GRHL2: variants seen among roughly 807,000 people sequenced by gnomAD.
GRHL2 encodes the protein grainyhead like transcription factor 2, also known as grainyhead-like protein 2 homolog.
GRHL2 carries 21 observed loss-of-function variants against 83.8 expected under a neutral mutation model. The ratio of observed to expected loss-of-function variants is 0.25; its 90% CI spans 0.18 to 0.36. The LOEUF is 0.36. Ranked by LOEUF, GRHL2 falls within the 10% of genes least tolerant of loss-of-function variation. The pLI, the probability that GRHL2 is intolerant of heterozygous loss-of-function variation, is 1.00. For missense variants in GRHL2, 623 were observed against 781.8 expected, an observed-to-expected ratio of 0.80 and a Z score of 2.42; for synonymous variants, 280 against 278.9, an observed-to-expected ratio of 1.00 and a Z score of -0.04.
chr8:101,582,640 C>T (rs982721859), intron 7 of GRHL2, among the ~76,000 whole-genome samples: 1 of 152,156 alleles, frequency 6.6e-6, no homozygotes, highest in Non-Finnish European at 1.5e-5. Flanking sequence ...CTTGACACCT[C>T]AGTCCTGGTG....
At chr8:101,674,437 C>G (rs986318229), downstream of GRHL2, among the ~76,000 whole-genome samples, 1 of 152,250 alleles carries the variant, frequency 6.6e-6, no homozygotes. Flanking sequence ...CACCTCTACG[C>G]AAATAAACTA....
At chr8:101,557,142 G>C (rs1811504226) in intron 3 of GRHL2, among the ~76,000 whole-genome samples, 1 of 147,128 alleles carries the variant, frequency 6.8e-6, no homozygotes, top group East Asian at 2.0e-4. Context: ...AACTAATTCT[G>C]ATTTGTGTGT....
At chr8:101,495,172 A>G (rs1485982590) in intron 1 of GRHL2, among the ~76,000 whole-genome samples, 1 of 152,216 alleles carries the variant, frequency 6.6e-6, no homozygotes, top group Non-Finnish European at 1.5e-5. Context: ...TTCCTTCCTG[A>G]GCAAGTGAGA....
chr8:101,656,994 C>T (rs927786039), intron 14 of GRHL2, among the ~76,000 whole-genome samples: 2 of 152,136 alleles, frequency 1.3e-5, no homozygotes, highest in Non-Finnish European at 2.9e-5. Context: ...GGGATGTTCT[C>T]TCTCAATGAA....
rs1331749726 is a variant in GRHL2, at chr8:101,667,973, T to C, written c.*1270T>C. The stretch of plus-strand genomic sequence containing the variant: ...TGGGGCTTCCTCCTGGGCCACCAGA[T>C]GGAAAGGGGGTATTGTTTGCCTCAC... On this transcript the variant is annotated 3_prime_UTR_variant, in exon 16 of 16. Coordinates refer to ENST00000646743, the MANE Select transcript of GRHL2 (RefSeq NM_024915.4). 1.3e-5 allele frequency: 2 copies of C among 152,580 alleles called. No individual in the cohort carries two copies. The highest frequency in any genetic ancestry group is 2.9e-5 in the Non-Finnish European group (2 of 68,100). 9.5% of individuals were successfully genotyped at this position (152,580 alleles called of 1,614,324 possible).
At chr8:101,632,414 T>C (rs1271490688) in intron 11 of GRHL2, 49 bp downstream of exon 11, 1 of 1,609,464 alleles carries the variant, frequency 6.2e-7, no homozygotes, top group Non-Finnish European at 8.5e-7. Context: ...ACAGGGCAAG[T>C]AGGGCTTTAA....
chr8:101,563,800 T>A (rs1811658114), intron 4 of GRHL2, among the ~76,000 whole-genome samples: 1 of 152,176 alleles, frequency 6.6e-6, no homozygotes, highest in African/African-American at 2.4e-5. Context: ...TGATTTGCTC[T>A]TAAGTAGTGA....
At chr8:101,517,875 T>C (rs752083899) in intron 1 of GRHL2, among the ~76,000 whole-genome samples, 1 of 152,192 alleles carries the variant, frequency 6.6e-6, no homozygotes, top group African/African-American at 2.4e-5. Flanking sequence ...TGAGTGAACC[T>C]GGGAGAGAGA....
intron 11 of GRHL2, 130 bp from the exon 12 acceptor site, chr8:101,636,767 T>A (rs764845838): frequency 7.4e-5 from 43 of 584,450 alleles, no homozygotes; most frequent in Admixed American, 2.0e-4. Context: ...ACACACACAC[T>A]GTTATTAAAC....
intron 14 of GRHL2, among the ~76,000 whole-genome samples, chr8:101,652,658 G>A (rs1025288914): frequency 8.0e-5 from 12 of 150,288 alleles, no homozygotes; most frequent in Non-Finnish European, 1.2e-4. Context: ...CTTAGGGGTC[G>A]GCATATGGGC....
intron 12 of GRHL2, among the ~76,000 whole-genome samples, chr8:101,637,326 C>T (rs148176671): frequency 1.6e-4 from 24 of 152,294 alleles, no homozygotes; most frequent in African/African-American, 5.5e-4. Flanking sequence ...AAGATGACAG[C>T]CTACCCTTCT....
At chr8:101,515,790 T>C (rs1810561513) in intron 1 of GRHL2, among the ~76,000 whole-genome samples, 1 of 152,180 alleles carries the variant, frequency 6.6e-6, no homozygotes, top group African/African-American at 2.4e-5. Flanking sequence ...CTGACTGGTG[T>C]TGGGGCCACT....
intron 1 of GRHL2, among the ~76,000 whole-genome samples, chr8:101,506,162 C>T (rs776168998): frequency 1.1e-4 from 16 of 152,210 alleles, no homozygotes; most frequent in Non-Finnish European, 1.9e-4. Flanking sequence ...TGCCTCCTAG[C>T]TTTCAATGCT....
At chr8:101,553,729 G>A (rs1403455252) in intron 3 of GRHL2, among the ~76,000 whole-genome samples, 14 of 149,112 alleles carry the variant, frequency 9.4e-5, no homozygotes, top group African/African-American at 3.0e-4. Context: ...CCAGGTTCAA[G>A]CTATTTTCCT....
intron 3 of GRHL2, among the ~76,000 whole-genome samples, chr8:101,555,847 C>A (rs963330669): frequency 1.3e-5 from 2 of 152,188 alleles, no homozygotes; most frequent in African/African-American, 2.4e-5. Context: ...GAAGTTTCAT[C>A]TGAAAAATCA....
At chr8:101,515,027 TTCCTTCCTTCCTTCCA>T (rs752025304) in intron 1 of GRHL2, among the ~76,000 whole-genome samples, 28 of 149,160 alleles carry the variant, frequency 1.9e-4, no homozygotes, top group Admixed American at 8.0e-4. Context: ...TTCATTTTCC[TTCCTTCCTTCCTTCCA>T]TCCTTCCTTC....
At chr8:101,520,710 C>A (rs1260283527) in intron 1 of GRHL2, among the ~76,000 whole-genome samples, 2 of 152,178 alleles carry the variant, frequency 1.3e-5, no homozygotes, top group African/African-American at 4.8e-5. Context: ...AAGTGAATTA[C>A]TAATCCTGGC....
chr8:101,589,712 G>A (rs933302428), intron 7 of GRHL2, among the ~76,000 whole-genome samples: 1 of 152,112 alleles, frequency 6.6e-6, no homozygotes, highest in African/African-American at 2.4e-5. Flanking sequence ...ATCTGTGAGG[G>A]TATTATACTA....
chr8:101,552,077 C>T (rs1358485876), intron 2 of GRHL2, among the ~76,000 whole-genome samples: 6 of 151,950 alleles, frequency 3.9e-5, no homozygotes, highest in South Asian at 2.1e-4. Context: ...CCTCGTGATC[C>T]GCCCGCCTTG....
Sources: gnomAD v4.1 joint callset for allele counts (sites outside exome capture counted in the v4.1 genomes callset) on GRCh38, gnomAD v4.1.1 for gene constraint, MANE v1.5 for transcripts, NCBI Gene and HGNC (gene_info 2026-07-23, HGNC 2026-07-21) for gene names.